The following SPOCK3 variants were observed in gnomAD, a reference collection of about 807,000 sequenced individuals.
SPOCK3 encodes SPARC (osteonectin), cwcv and kazal like domains proteoglycan 3.
In SPOCK3, 30 loss-of-function variants were observed where a neutral mutation model predicts 56.6. That is an observed-to-expected ratio of 0.53 (90% CI 0.40 to 0.72). The LOEUF is 0.72. Ranked by LOEUF, SPOCK3 falls within the 30% of genes least tolerant of loss-of-function variation. SPOCK3 has a pLI of 0.00. For missense variants in SPOCK3, 527 were observed against 530.0 expected (o/e 0.99, Z 0.06); for synonymous variants, 196 against 183.3 (o/e 1.07, Z -0.56).
At chr4:166,806,607 T>C (rs1305609919) in intron 6 of SPOCK3, among the ~76,000 whole-genome samples, 1 of 152,098 alleles carries the variant, frequency 6.6e-6, no homozygotes, top group African/African-American at 2.4e-5. Flanking sequence ...TTGTCCTACA[T>C]ATATATCAAA....
chr4:167,208,696 T>C (rs1734582102), intron 2 of SPOCK3, among the ~76,000 whole-genome samples: 2 of 147,900 alleles, frequency 1.4e-5, no homozygotes, highest in South Asian at 4.2e-4. Flanking sequence ...ACATTTGATT[T>C]AGATTTTTGT....
rs183545041 is a variant in SPOCK3 at position 166,775,930 on chromosome 4, T to C, written c.709+16240A>G. ...CATTCAAACAACAACAAACCCAAAGTGACAAGTGGTACAGCAGGTGCTCTA... is the reference window on the plus strand; with the variant it reads ...CATTCAAACAACAACAAACCCAAAGCGACAAGTGGTACAGCAGGTGCTCTA... On this transcript the variant is annotated intron_variant, in intron 7 of 10. Transcript: ENST00000357545. Among the ~76,000 whole-genome samples the C allele has an allele frequency of 3.4e-3, 512 of 152,068 alleles. 3 individuals carry two copies. The highest frequency in any genetic ancestry group is 0.012 in the African/African-American group (481 of 41,496).
intron 3 of SPOCK3, among the ~76,000 whole-genome samples, chr4:167,046,098 G>C (rs1561156132): frequency 6.6e-6 from 1 of 151,502 alleles, no homozygotes; most frequent in East Asian, 1.9e-4. Context: ...CTTCTAACTT[G>C]TTTTTTTTAC....
chr4:167,222,147 C>T (rs867948564), intron 2 of SPOCK3, among the ~76,000 whole-genome samples: 1 of 152,072 alleles, frequency 6.6e-6, no homozygotes, highest in Non-Finnish European at 1.5e-5. Flanking sequence ...AACCCTGTCA[C>T]ATGCCACAAC....
At chr4:166,880,836 C>G (rs959851326) in intron 6 of SPOCK3, among the ~76,000 whole-genome samples, 7 of 152,146 alleles carry the variant, frequency 4.6e-5, no homozygotes, top group African/African-American at 1.7e-4. Flanking sequence ...ACTGCTCATG[C>G]TCCTCCATTC....
chr4:166,894,070 A>T (rs1244743221), intron 5 of SPOCK3, among the ~76,000 whole-genome samples: 1 of 152,154 alleles, frequency 6.6e-6, no homozygotes, highest in East Asian at 1.9e-4. Flanking sequence ...GAAGTTAAAC[A>T]TAGTAACAAC....
chr4:167,039,082 C>G (rs148827014), intron 3 of SPOCK3, among the ~76,000 whole-genome samples: 5 of 152,094 alleles, frequency 3.3e-5, no homozygotes, highest in Non-Finnish European at 5.9e-5. Context: ...CTCCAAGAGA[C>G]GCTCTAGTCC....
chr4:167,058,620 T>C (rs1197021850), intron 3 of SPOCK3, among the ~76,000 whole-genome samples: 5 of 152,080 alleles, frequency 3.3e-5, no homozygotes, highest in Non-Finnish European at 5.9e-5. Flanking sequence ...AAGCTACCAA[T>C]GACTTTCTTC....
rs531627474 is a variant in SPOCK3, at chr4:166,952,368, C to A, written c.351-39625G>T. 3.3e-3 allele frequency among the ~76,000 whole-genome samples: 498 copies of A among 152,148 alleles called. 4 individuals carry two copies. Among genetic ancestry groups the A allele is most frequent in the African/African-American group, 0.011 (461 of 41,518 alleles). On this transcript the variant is annotated intron_variant, in intron 4 of 10. Coordinates refer to ENST00000357545, the MANE Select transcript of SPOCK3 (RefSeq NM_001040159.2). ...AGTGAATAAAATACCTAGGAATCCACCTTACAAGGGACGTGAAGGACCTCT... is the reference window on the plus strand; with the variant it reads ...AGTGAATAAAATACCTAGGAATCCAACTTACAAGGGACGTGAAGGACCTCT...
At chr4:166,923,385 G>T (rs1028589192) in intron 4 of SPOCK3, among the ~76,000 whole-genome samples, 1 of 151,986 alleles carries the variant, frequency 6.6e-6, no homozygotes, top group African/African-American at 2.4e-5. Context: ...CAGATTATGG[G>T]AACTAAAATA....
At chr4:167,134,040 T>TC (rs1762912297) in intron 2 of SPOCK3, among the ~76,000 whole-genome samples, 1 of 144,482 alleles carries the variant, frequency 6.9e-6, no homozygotes, top group Non-Finnish European at 1.5e-5. Flanking sequence ...TTTTTTTTTT[T>TC]TTTTTTGAGA....
intron 2 of SPOCK3, among the ~76,000 whole-genome samples, chr4:167,112,913 T>C (rs1435957793): frequency 2.6e-5 from 4 of 152,114 alleles, no homozygotes; most frequent in African/African-American, 7.2e-5. Context: ...AAAGTAGGCC[T>C]GTGTGCTTGT....
At chr4:167,058,706 C>G (rs1333764921) in intron 3 of SPOCK3, among the ~76,000 whole-genome samples, 4 of 152,096 alleles carry the variant, frequency 2.6e-5, no homozygotes, top group Non-Finnish European at 5.9e-5. Flanking sequence ...AATCCTAAGC[C>G]AAATGAACAA....
chr4:167,010,302 C>T (rs188958946), intron 3 of SPOCK3, among the ~76,000 whole-genome samples: 2 of 152,040 alleles, frequency 1.3e-5, no homozygotes, highest in South Asian at 4.1e-4. Flanking sequence ...GGGCAGATCA[C>T]TTGAGCTCAA....
intron 2 of SPOCK3, among the ~76,000 whole-genome samples, chr4:167,066,894 C>G (rs887018769): frequency 9.9e-5 from 15 of 151,796 alleles, no homozygotes; most frequent in Admixed American, 9.9e-4. Flanking sequence ...TACAACTAGG[C>G]TTTGTACAGG....
chr4:166,919,468 A>T (rs1738249300), intron 4 of SPOCK3, among the ~76,000 whole-genome samples: 1 of 152,210 alleles, frequency 6.6e-6, no homozygotes, highest in Non-Finnish European at 1.5e-5. Context: ...TTCAATAGGC[A>T]TCACGACAAA....
chr4:166,797,633 A>G (rs900918310), intron 6 of SPOCK3, among the ~76,000 whole-genome samples: 3 of 152,042 alleles, frequency 2.0e-5, no homozygotes, highest in South Asian at 2.1e-4. Context: ...ACATTTTAAC[A>G]TTTTTTATAA....
At chr4:167,107,881 T>G (rs765126520) in intron 2 of SPOCK3, among the ~76,000 whole-genome samples, 1 of 151,794 alleles carries the variant, frequency 6.6e-6, no homozygotes, top group African/African-American at 2.4e-5. Flanking sequence ...GGAATTAATT[T>G]AACAAAAGAA....
chr4:167,152,079 AAAC>A (rs1195371735), intron 2 of SPOCK3, among the ~76,000 whole-genome samples: 3 of 152,226 alleles, frequency 2.0e-5, no homozygotes, highest in African/African-American at 7.2e-5. Context: ...TAATAAAGAG[AAAC>A]AACAACAGTT....
Sources: gnomAD v4.1 joint callset for allele counts (sites outside exome capture counted in the v4.1 genomes callset) on GRCh38, gnomAD v4.1.1 for gene constraint, MANE v1.5 for transcripts, NCBI Gene and HGNC (gene_info 2026-07-23, HGNC 2026-07-21) for gene names.